SMG7: variants seen among roughly 807,000 people sequenced by gnomAD.
SMG7 encodes the protein nonsense-mediated mRNA decay factor SMG7.
SMG7 carries 34 observed loss-of-function variants against 148.2 expected under a neutral mutation model. That is an observed-to-expected ratio of 0.23 (90% CI 0.17 to 0.31). SMG7 has a LOEUF of 0.31. SMG7 is among the 10% of genes least tolerant of loss of function. SMG7 has a pLI of 1.00. For synonymous variants in SMG7, 492 were observed against 515.1 expected (o/e 0.96, Z 0.61); for missense variants, 1,114 against 1,408.4 (o/e 0.79, Z 3.35).
Position 183,554,166 on chromosome 1 carries a change from T to A in SMG7, c.*2235T>A, listed in dbSNP as rs1181295281. On this transcript the variant is annotated 3_prime_UTR_variant, in exon 23 of 23. Coordinates refer to ENST00000688051, the MANE Select transcript of SMG7 (RefSeq NM_001375584.1). ...AGCTGCTGAAAATCAGCTTTGCCTTTAATTAAACCATGTTCTCTCCAACCA... is the reference window on the plus strand; with the variant it reads ...AGCTGCTGAAAATCAGCTTTGCCTTAAATTAAACCATGTTCTCTCCAACCA... The A allele has an allele frequency of 6.6e-6, 1 of 152,640 alleles. No individual in the cohort carries two copies. The highest frequency in any genetic ancestry group is 1.5e-5 in the Non-Finnish European group (1 of 68,038). 9.5% of individuals were successfully genotyped at this position (152,640 alleles called of 1,614,324 possible). A position where few individuals can be genotyped will look rare whatever the true frequency, so the allele number is the denominator to read the frequency against.
chr1:183,524,523 A>C (rs1665428712), intron 4 of SMG7, among the ~76,000 whole-genome samples: 1 of 152,154 alleles, frequency 6.6e-6, no homozygotes, highest in Non-Finnish European at 1.5e-5. Context: ...GGTGCGCAGA[A>C]TTTATATTTA....
Position 183,545,264 on chromosome 1 carries a change from T to A in SMG7, c.2322T>A (p.Ala774=). The A allele has an allele frequency of 6.2e-7, 1 of 1,613,302 alleles. No homozygotes were observed. Among genetic ancestry groups the A allele is most frequent in the Non-Finnish European group, 8.5e-7 (1 of 1,179,990 alleles). ...LTQQQQSPTK[A]VPALGKSPPH... ...AGCAACAACAATCCCCTACAAAAGC[T>A]GTGCCGGCTTTGGGGAAAAGCCCGC... is the stretch of plus-strand genomic sequence containing the variant. Residue 774 remains alanine, a synonymous_variant, in exon 16 of 23, where the codon GCT becomes GCA. Coordinates refer to ENST00000688051, the MANE Select transcript of SMG7 (RefSeq NM_001375584.1).
In SMG7 at chr1:183,551,087, C is replaced by T; in HGVS notation, c.3347C>T (p.Ser1116Phe). ...FGIDYLSATS[S>F]SESSWHQAST... is the part of the protein sequence containing the mutation. ...ATTGATTATCTCTCAGCAACGTCAT[C>T]CTCTGAGAGCAGTTGGCATCAGGCC... The change falls in exon 22 of 23, where the codon TCC (serine) becomes TTC (phenylalanine). Residue 1116 changes from serine to phenylalanine, a missense_variant. Ser to Phe is a radical substitution (Grantham distance 155). Around this residue, in one of 4 missense-constraint regions of SMG7, gnomAD observed 788 missense variants for 894.5 expected, o/e 0.88. Coordinates refer to ENST00000688051, the MANE Select transcript of SMG7 (RefSeq NM_001375584.1). 1 of 1,613,834 alleles carries T rather than the reference C, an allele frequency of 6.2e-7. No homozygotes were observed. The highest frequency in any genetic ancestry group is 8.5e-7 in the Non-Finnish European group (1 of 1,179,926).
chr1:183,512,808 C>CTTTTTTTTTTTTTTTT (rs59379855), intron 1 of SMG7, 29 bp from the exon 2 acceptor site: 1 of 1,278,636 alleles, frequency 7.8e-7, no homozygotes. Context: ...AACTGATACT[C>CTTTTTTTTTTTTTTTT]TTTTTTTTTT....
chr1:183,510,875 C>T (rs996653889), intron 1 of SMG7, among the ~76,000 whole-genome samples: 2 of 152,050 alleles, frequency 1.3e-5, no homozygotes, highest in Non-Finnish European at 2.9e-5. Context: ...CCTGTAGTCC[C>T]AGCTACTTGG....
At chr1:183,539,006 C>T (rs923827095) in intron 12 of SMG7, among the ~76,000 whole-genome samples, 1 of 151,936 alleles carries the variant, frequency 6.6e-6, no homozygotes, top group Admixed American at 6.6e-5. Flanking sequence ...AAAAATTAGC[C>T]GGGCATGGTG....
chr1:183,487,804 T>A (rs1055445267), intron 1 of SMG7, among the ~76,000 whole-genome samples: 6 of 152,210 alleles, frequency 3.9e-5, no homozygotes, highest in South Asian at 4.1e-4. Flanking sequence ...CAAATGAAGC[T>A]GGTAAATATA....
intron 1 of SMG7, among the ~76,000 whole-genome samples, chr1:183,493,538 G>T (rs1394883689): frequency 2.6e-5 from 4 of 152,174 alleles, no homozygotes; most frequent in Non-Finnish European, 5.9e-5. Context: ...AGTGGGATCT[G>T]TTGGGTTATA....
chr1:183,540,891 C>A, intron 12 of SMG7, 93 bp from the exon 13 acceptor site: 1 of 1,207,960 alleles, frequency 8.3e-7, no homozygotes, highest in Non-Finnish European at 1.2e-6. Flanking sequence ...GGGAAGTAAT[C>A]TGAAGCCATT....
chr1:183,522,532 T>G (rs1412443596), intron 4 of SMG7, among the ~76,000 whole-genome samples: 1 of 152,206 alleles, frequency 6.6e-6, no homozygotes, highest in African/African-American at 2.4e-5. Context: ...GAAACTTTTT[T>G]TTTCATATTT....
intron 4 of SMG7, among the ~76,000 whole-genome samples, chr1:183,523,919 T>C (rs1011211776): frequency 6.6e-6 from 1 of 151,444 alleles, no homozygotes; most frequent in African/African-American, 2.4e-5. Flanking sequence ...TATCCACTTT[T>C]GTTTTTTGTT....
rs1052692564 is a variant in SMG7, at chr1:183,553,754, G to T, written c.*1823G>T. On this transcript the variant is annotated 3_prime_UTR_variant, in exon 23 of 23. Coordinates refer to ENST00000688051, the MANE Select transcript of SMG7 (RefSeq NM_001375584.1). ...TGTGCTTCTCTTCAGCCCCTTCCCTGTGTCCACCTTTCTCTCCTCTTCCCA... is the reference window on the plus strand; with the variant it reads ...TGTGCTTCTCTTCAGCCCCTTCCCTTTGTCCACCTTTCTCTCCTCTTCCCA... 6.5e-6 allele frequency: 1 copy of T among 153,000 alleles called. No homozygotes were observed. Among genetic ancestry groups the T allele is most frequent in the African/African-American group, 2.4e-5 (1 of 41,418 alleles). The allele number at this position is 153,000 out of a possible 1,614,324, so 9.5% of individuals were successfully genotyped here.
intron 1 of SMG7, among the ~76,000 whole-genome samples, chr1:183,504,668 TG>T (rs1346377963): frequency 6.6e-6 from 1 of 152,202 alleles, no homozygotes. Flanking sequence ...TTTTCAATTT[TG>T]TCTAGTCCAC....
At position 183,552,172 on chromosome 1, in the gene SMG7, TGCTGTTTA is replaced by T; in HGVS notation, c.*242_*249del. 1 of 1,168,636 alleles carries T rather than the reference TGCTGTTTA, an allele frequency of 8.6e-7. No individual in the cohort carries two copies. The highest frequency in any genetic ancestry group is 1.1e-6 in the Non-Finnish European group (1 of 942,500). The allele number at this position is 1,168,636 out of a possible 1,614,324, so 72.4% of individuals were successfully genotyped here. On this transcript the variant is annotated 3_prime_UTR_variant, in exon 23 of 23. Coordinates refer to ENST00000688051, the MANE Select transcript of SMG7 (RefSeq NM_001375584.1). Reference sequence around the variant, plus strand: ...CCTCCGGAGGGAGAGAGAGAGGAACTGCTGTTTATCTCACTCAGTTACTTGGTATCACC... The same window carrying T: ...CCTCCGGAGGGAGAGAGAGAGGAACTTCTCACTCAGTTACTTGGTATCACC...
chr1:183,546,229 T>C lies in SMG7; in HGVS notation c.2634T>C (p.Ala878=). ...EFYWDSSYSM[A]DNRSVMAQQA... ...ACTGGGATTCTTCCTACAGCATGGC[T>C]GATAACAGATCTGTAATGGCACAGC... The change falls in exon 17 of 23, where the codon GCT becomes GCC. Residue 878 remains alanine (A), a synonymous_variant. Transcript: ENST00000688051. 6.2e-7 allele frequency: 1 copy of C among 1,614,062 alleles called. No homozygotes were observed. The highest frequency in any genetic ancestry group is 8.5e-7 in the Non-Finnish European group (1 of 1,179,970).
At position 183,546,264 on chromosome 1, in the gene SMG7, T is replaced by A. The variant is rs193125763; in HGVS notation, c.2669T>A (p.Ile890Lys). The change falls in exon 17 of 23, where the codon ATA becomes AAA. Residue 890 changes from isoleucine to lysine, a missense_variant. By Grantham distance (102) the Ile-to-Lys change is moderately radical. This residue lies in a region of SMG7 where 788 missense variants were observed against 894.5 expected (regional missense o/e 0.88). Coordinates refer to ENST00000688051, the MANE Select transcript of SMG7 (RefSeq NM_001375584.1). ...NRSVMAQQAN[I>K]DRRGKRSPGV... ...TCTGTAATGGCACAGCAAGCAAACATAGACCGCAGGGGCAAACGGTCACCA... is the reference window on the plus strand; with the variant it reads ...TCTGTAATGGCACAGCAAGCAAACAAAGACCGCAGGGGCAAACGGTCACCA... 6 of 1,613,956 alleles carry A rather than the reference T, an allele frequency of 3.7e-6. No homozygotes were observed. The East Asian group carries it at 1.3e-4, about 36-fold the overall frequency.
Position 183,551,815 on chromosome 1 carries a change from C to T in SMG7, c.3451-3C>T. Reference sequence around the variant, plus strand: ...TGCTGACAAGATCTGGACTGTTTTTCAGTCTATCTGGTCCAGTTCCATGAT... The same window carrying T: ...TGCTGACAAGATCTGGACTGTTTTTTAGTCTATCTGGTCCAGTTCCATGAT... On this transcript the variant is annotated splice_polypyrimidine_tract_variant and splice_region_variant and intron_variant, in intron 22 of 22. Transcript: ENST00000688051. The T allele has an allele frequency of 1.3e-6, 2 of 1,594,878 alleles. No individual in the cohort carries two copies. The highest frequency in any genetic ancestry group is 2.3e-5 in the East Asian group (1 of 44,234).
At position 183,545,993 on chromosome 1, in the gene SMG7, C is replaced by T; in HGVS notation, c.2398C>T (p.Leu800=). ...TCAACAGGCAGATGCCTCCAAACAGCTGTGGAATCCCCCTCAGGTTCAAGG... is the reference window on the plus strand; with the variant it reads ...TCAACAGGCAGATGCCTCCAAACAGTTGTGGAATCCCCCTCAGGTTCAAGG... ...QYQQADASKQ[L]WNPPQVQGPL... The change falls in exon 17 of 23, where the codon CTG becomes TTG. Residue 800 remains leucine (L), a synonymous_variant. Coordinates refer to ENST00000688051, the MANE Select transcript of SMG7 (RefSeq NM_001375584.1). 1.2e-6 allele frequency: 2 copies of T among 1,609,034 alleles called. No homozygotes were observed. The highest frequency in any genetic ancestry group is 1.7e-6 in the Non-Finnish European group (2 of 1,178,162).
At chr1:183,514,549 A>G (rs1571930943) in intron 2 of SMG7, among the ~76,000 whole-genome samples, 1 of 152,372 alleles carries the variant, frequency 6.6e-6, no homozygotes, top group East Asian at 1.9e-4. Context: ...AAAACAGAAC[A>G]TGGAGCAATA....
Sources: gnomAD v4.1 joint callset for allele counts (sites outside exome capture counted in the v4.1 genomes callset) on GRCh38, gnomAD v4.1.1 for gene constraint, gnomAD v4.1.1 regional missense constraint, MANE v1.5 for transcripts, NCBI Gene and HGNC (gene_info 2026-07-23, HGNC 2026-07-21) for gene names.